Variants in SLC24A2 observed in about 807,000 individuals in gnomAD.
SLC24A2 encodes solute carrier family 24 member 2.
A neutral mutation model predicts 62.0 loss-of-function variants in SLC24A2; 36 were observed. The ratio of observed to expected loss-of-function variants is 0.58; its 90% confidence interval spans 0.44 to 0.77. The LOEUF (loss-of-function observed/expected upper bound fraction) is 0.77, where lower values mean the gene tolerates loss of function less well. Ranked by LOEUF, SLC24A2 falls within the 30% of genes least tolerant of loss-of-function variation. The pLI, the probability that SLC24A2 is intolerant of heterozygous loss-of-function variation, is 0.00. For synonymous variants in SLC24A2, 358 were observed against 294.0 expected, an observed-to-expected ratio of 1.22 and a Z score of -2.23; for missense variants, 846 against 817.9, an observed-to-expected ratio of 1.03 and a Z score of -0.42.
chr9:19,934,384 C>G, the SLC24A2 span, among the ~76,000 whole-genome samples: 80 of 152,314 alleles, frequency 5.3e-4, no homozygotes, highest in Middle Eastern at 6.8e-3. This position sits in a 1 kb window ranked among gnomAD's most constrained non-coding sequence, Gnocchi z 4.1. Flanking sequence ...CTCCATGGGC[C>G]GAGACACATG....
chr9:19,958,893 T>G, the SLC24A2 span, among the ~76,000 whole-genome samples: 1 of 152,184 alleles, frequency 6.6e-6, no homozygotes, highest in Admixed American at 6.5e-5. Context: ...CCAACCATCA[T>G]TTTTGAGGCC....
Position 19,695,030 on chromosome 9 carries a change from G to A in SLC24A2, c.931-72731C>T, listed in dbSNP as rs7863173. ...TAAATTTGGGGCAAATAAAAAGGCC[G>A]GCCAGCCATATATTTATCCTAGAGC... is the stretch of plus-strand genomic sequence containing the variant. On this transcript the variant is annotated intron_variant, in intron 2 of 10. Coordinates refer to ENST00000341998, the MANE Select transcript of SLC24A2 (RefSeq NM_020344.4). 5.7e-3 allele frequency among the ~76,000 whole-genome samples: 845 copies of A among 148,780 alleles called. 7 individuals are homozygous for A. The highest frequency in any genetic ancestry group is 0.019 in the African/African-American group (787 of 40,632).
chr9:19,644,826 A>G (rs1396286204), intron 2 of SLC24A2, among the ~76,000 whole-genome samples: 1 of 152,126 alleles, frequency 6.6e-6, no homozygotes, highest in Non-Finnish European at 1.5e-5. Flanking sequence ...TGTTATTATT[A>G]ATGCTACTTT....
the SLC24A2 span, among the ~76,000 whole-genome samples, chr9:19,868,656 C>T: frequency 1.3e-5 from 2 of 151,910 alleles, no homozygotes; most frequent in Non-Finnish European, 2.9e-5. Context: ...TGTTGTTAGT[C>T]GTGTATATAT....
chr9:20,041,730 A>C, the SLC24A2 span, among the ~76,000 whole-genome samples: 1 of 152,392 alleles, frequency 6.6e-6, no homozygotes, highest in South Asian at 2.1e-4. Context: ...CAGGGCTCAA[A>C]AACACTGCTG....
chr9:19,832,224 C>T, the SLC24A2 span, among the ~76,000 whole-genome samples: 2 of 152,344 alleles, frequency 1.3e-5, no homozygotes, highest in Admixed American at 6.5e-5. Context: ...GTAACCCAAA[C>T]ACCAGTACCA....
chr9:19,786,202 A>G lies in SLC24A2; in HGVS notation c.665T>C (p.Met222Thr). The G allele has an allele frequency of 1.9e-6, 3 of 1,614,152 alleles. No homozygotes were observed. Among genetic ancestry groups the G allele is most frequent in the South Asian group, 2.2e-5 (2 of 91,084 alleles). ...AVFNILFVIG[M>T]CALFSREILN... ...GATTTCTCTAGAAAACAGAGCACAC[A>G]TGCCAATAACAAAGAGGATGTTGAA... The change falls in exon 2 of 11, where the codon ATG becomes ACG. Residue 222 changes from methionine to threonine, a missense_variant. Coordinates refer to ENST00000341998, the MANE Select transcript of SLC24A2 (RefSeq NM_020344.4). The surrounding 1 kb of genome is among the most constrained non-coding windows in gnomAD (Gnocchi z 5.0).
the SLC24A2 span, among the ~76,000 whole-genome samples, chr9:20,249,703 T>TAAAAAA: frequency 2.1e-5 from 1 of 48,248 alleles, no homozygotes; most frequent in African/African-American, 2.7e-4. Flanking sequence ...AAACTCTGTC[T>TAAAAAA]CAAAAAAAAA....
the SLC24A2 span, among the ~76,000 whole-genome samples, chr9:20,157,437 G>C: frequency 6.6e-6 from 1 of 151,668 alleles, no homozygotes; most frequent in African/African-American, 2.4e-5. Flanking sequence ...AAAAACAGGG[G>C]AATTGAACAG....
intron 2 of SLC24A2, among the ~76,000 whole-genome samples, chr9:19,681,904 C>T (rs532403588): frequency 2.0e-4 from 30 of 152,220 alleles, no homozygotes; most frequent in Non-Finnish European, 2.8e-4. Flanking sequence ...ATATTATGTT[C>T]GCAGAATATT....
the SLC24A2 span, among the ~76,000 whole-genome samples, chr9:20,305,865 TG>T: frequency 7.2e-5 from 11 of 152,154 alleles, no homozygotes; most frequent in Non-Finnish European, 1.6e-4. Context: ...GCTGGAAGTC[TG>T]GGGTCAAGTT....
chr9:20,159,415 G>T, the SLC24A2 span, among the ~76,000 whole-genome samples: 1 of 151,402 alleles, frequency 6.6e-6, no homozygotes, highest in Non-Finnish European at 1.5e-5. Context: ...TTTACCCTTG[G>T]CCCCAGAAAC....
chr9:20,130,979 G>T, the SLC24A2 span, among the ~76,000 whole-genome samples: 6 of 152,126 alleles, frequency 3.9e-5, no homozygotes, highest in African/African-American at 1.2e-4. Context: ...CTGCATGGGG[G>T]CTGGAGGGAC....
At chr9:19,992,044 G>C in the SLC24A2 span, among the ~76,000 whole-genome samples, 13 of 152,314 alleles carry the variant, frequency 8.5e-5, no homozygotes, top group East Asian at 2.5e-3. Flanking sequence ...TGTTGGGGCA[G>C]CATGTCTTAT....
the SLC24A2 span, among the ~76,000 whole-genome samples, chr9:20,193,622 G>C: frequency 6.6e-6 from 1 of 151,930 alleles, no homozygotes; most frequent in Admixed American, 6.6e-5. Flanking sequence ...ATTAATACTG[G>C]ATGCTGAAAC....
chr9:19,543,310 C>G (rs936335092), intron 8 of SLC24A2, among the ~76,000 whole-genome samples: 4 of 151,278 alleles, frequency 2.6e-5, no homozygotes, highest in Admixed American at 2.6e-4. Context: ...CCATTTGATT[C>G]TTCTCTCTTT....
chr9:19,568,391 G>A (rs1371078418), intron 7 of SLC24A2, among the ~76,000 whole-genome samples: 4 of 152,156 alleles, frequency 2.6e-5, no homozygotes, highest in East Asian at 1.9e-4. Flanking sequence ...CAGCCTTGCC[G>A]TTCATACTGC....
At chr9:19,895,530 C>CT in the SLC24A2 span, among the ~76,000 whole-genome samples, 4 of 98,360 alleles carry the variant, frequency 4.1e-5, no homozygotes, top group Admixed American at 3.4e-4. Flanking sequence ...CTGCCCTTTT[C>CT]TTTCTTTCTT....
the SLC24A2 span, among the ~76,000 whole-genome samples, chr9:20,207,191 A>G: frequency 5.9e-5 from 9 of 152,192 alleles, no homozygotes; most frequent in Admixed American, 5.2e-4. Context: ...TAGTATCTGA[A>G]ATTTTCTTGC....
Sources: allele counts gnomAD v4.1 joint callset (sites outside exome capture counted in the v4.1 genomes callset), GRCh38; gene constraint gnomAD v4.1.1; non-coding constraint Gnocchi (gnomAD v3.1); transcripts MANE v1.5; gene names NCBI Gene and HGNC (gene_info 2026-07-23, HGNC 2026-07-21).